The following NHSL2 variants were observed in gnomAD, a reference collection of about 807,000 sequenced individuals.
NHSL2 encodes the protein NHS-like protein 2.
NHSL2 carries 27 observed loss-of-function variants against 53.4 expected under a neutral mutation model. That is an observed-to-expected ratio of 0.51 (90% CI 0.37 to 0.70). The LOEUF is 0.70. Ranked by LOEUF, NHSL2 falls within the 30% of genes least tolerant of loss-of-function variation. The pLI, the probability that NHSL2 is intolerant of heterozygous loss-of-function variation, is 0.00. For missense variants in NHSL2, 892 were observed against 980.1 expected, an observed-to-expected ratio of 0.91 and a Z score of 1.20; for synonymous variants, 408 against 404.1, an observed-to-expected ratio of 1.01 and a Z score of -0.12.
intron 1 of NHSL2, among the ~76,000 whole-genome samples, chrX:72,038,034 G>A (rs932455490): frequency 8.9e-6 from 1 of 111,981 alleles, no homozygotes; most frequent in Non-Finnish European, 1.9e-5. Flanking sequence ...TATTTGTTTC[G>A]GCAGCACAGG....
intron 1 of NHSL2, among the ~76,000 whole-genome samples, chrX:72,115,439 G>GT (rs1264991658): frequency 1.2e-4 from 10 of 85,359 alleles, no homozygotes; most frequent in African/African-American, 4.3e-4. Context: ...GGCGGGGGGG[G>GT]GGTGCGGGGG....
At chrX:71,943,221 G>A (rs1331623412) in intron 1 of NHSL2, among the ~76,000 whole-genome samples, 1 of 111,272 alleles carries the variant, frequency 9.0e-6, no homozygotes, top group Non-Finnish European at 1.9e-5. Context: ...CGAGTAGCTG[G>A]GACTACAGGC....
rs147527237 is a variant in NHSL2 at position 71,973,508 on chromosome X, C to T, written c.280+62141C>T. 4.8e-3 allele frequency among the ~76,000 whole-genome samples: 538 copies of T among 111,825 alleles called. 2 individuals are homozygous for T. The highest frequency in any genetic ancestry group is 0.017 in the African/African-American group (522 of 30,792). On this transcript the variant is annotated intron_variant, in intron 1 of 7. Transcript: ENST00000633930. ...CCTTAGGACAGAACTGTGGAGCTCT[C>T]CATCCTTAAGGCTTGCCTTCAGGGT... is the stretch of plus-strand genomic sequence containing the variant.
At chrX:72,104,202 C>G (rs926393400) in intron 1 of NHSL2, among the ~76,000 whole-genome samples, 1 of 110,385 alleles carries the variant, frequency 9.1e-6, no homozygotes, top group African/African-American at 3.3e-5. Flanking sequence ...AAATTACTGT[C>G]CCATTCACGA....
Position 72,149,020 on chromosome X carries a change from G to A in NHSL2, c.*5446G>A. Reference sequence around the variant, plus strand: ...GCCAAGAGGTGTATATTGTTATCTTGGTCAGGCATATGTTTGCTTGGTTTT... The same window carrying A: ...GCCAAGAGGTGTATATTGTTATCTTAGTCAGGCATATGTTTGCTTGGTTTT... On this transcript the variant is annotated 3_prime_UTR_variant, in exon 8 of 8. Transcript: ENST00000633930. The A allele has an allele frequency of 9.1e-6, 1 of 110,131 alleles. No individual in the cohort carries two copies. The highest frequency in any genetic ancestry group is 1.9e-5 in the Non-Finnish European group (1 of 52,772). 9.1% of individuals were successfully genotyped at this position (110,131 alleles called of 1,213,427 possible).
At chrX:71,992,312 A>G (rs2042031048) in intron 1 of NHSL2, among the ~76,000 whole-genome samples, 2 of 112,109 alleles carry the variant, frequency 1.8e-5, no homozygotes, top group Admixed American at 1.9e-4. Context: ...TTAGGGACAC[A>G]TAATAACATA....
At chrX:72,050,935 G>A (rs2042337045) in intron 1 of NHSL2, among the ~76,000 whole-genome samples, 1 of 109,692 alleles carries the variant, frequency 9.1e-6, no homozygotes, top group Admixed American at 9.7e-5. Context: ...CCAAAACCAC[G>A]TTACAGATGC....
At chrX:71,981,536 C>CAAAAA (rs140961615) in intron 1 of NHSL2, among the ~76,000 whole-genome samples, 5 of 66,604 alleles carry the variant, frequency 7.5e-5, no homozygotes, top group African/African-American at 2.5e-4. Context: ...GACTCTGTCT[C>CAAAAA]AAAAAAAAAA....
At chrX:71,950,784 T>A (rs953591941) in intron 1 of NHSL2, among the ~76,000 whole-genome samples, 4 of 111,485 alleles carry the variant, frequency 3.6e-5, no homozygotes, top group African/African-American at 9.8e-5. Context: ...CAACTAGCCA[T>A]TTCTGTGGGT....
intron 1 of NHSL2, among the ~76,000 whole-genome samples, chrX:72,052,049 CTT>C (rs2042343462): frequency 8.9e-6 from 1 of 112,303 alleles, no homozygotes; most frequent in Non-Finnish European, 1.9e-5. Flanking sequence ...CCTCTTGACT[CTT>C]TTGCTTGGAA....
At chrX:71,942,968 C>CTGTG (rs1432312977) in intron 1 of NHSL2, among the ~76,000 whole-genome samples, 1 of 19,583 alleles carries the variant, frequency 5.1e-5, no homozygotes, top group African/African-American at 1.4e-4. Context: ...CTCTCTCTCT[C>CTGTG]TCTCTGTGTG....
At chrX:72,132,284 A>T (rs1279655353) in intron 2 of NHSL2, 50 bp downstream of exon 2, 2 of 1,067,099 alleles carry the variant, frequency 1.9e-6, no homozygotes, top group Non-Finnish European at 2.5e-6. Flanking sequence ...CGAGATGCGC[A>T]GCGGCAGGAG....
chrX:72,126,014 C>A (rs770989741), intron 1 of NHSL2, among the ~76,000 whole-genome samples: 29 of 111,900 alleles, frequency 2.6e-4, no homozygotes, highest in African/African-American at 7.5e-4. Flanking sequence ...GACCTGGAGT[C>A]CCCCATATGA....
At chrX:72,057,603 C>T (rs2042376683) in intron 1 of NHSL2, among the ~76,000 whole-genome samples, 1 of 111,803 alleles carries the variant, frequency 8.9e-6, no homozygotes, top group African/African-American at 3.3e-5. Context: ...GAACCTTCCT[C>T]GACTTGCTCC....
chrX:71,924,942 A>G (rs1301439568), intron 1 of NHSL2, among the ~76,000 whole-genome samples: 1 of 112,164 alleles, frequency 8.9e-6, no homozygotes, highest in African/African-American at 3.2e-5. Context: ...CCCAAATGTT[A>G]TGTATTATCA....
intron 1 of NHSL2, among the ~76,000 whole-genome samples, chrX:71,989,515 C>T (rs778285530): frequency 2.3e-4 from 26 of 111,427 alleles, no homozygotes; most frequent in African/African-American, 8.2e-4. Context: ...AAACTGTGAC[C>T]AGACCATGCA....
intron 6 of NHSL2, 112 bp downstream of exon 6, chrX:72,140,883 C>T (rs2147529474): frequency 1.6e-6 from 1 of 640,369 alleles, no homozygotes; most frequent in African/African-American, 2.3e-5. Flanking sequence ...GATCCCAAGT[C>T]AGTAGCGGGC....
intron 1 of NHSL2, among the ~76,000 whole-genome samples, chrX:72,094,797 C>A (rs1311751855): frequency 8.9e-6 from 1 of 111,881 alleles, no homozygotes; most frequent in East Asian, 2.8e-4. Flanking sequence ...GCCTGCCTGT[C>A]CATCATGGAG....
intron 1 of NHSL2, among the ~76,000 whole-genome samples, chrX:71,933,321 C>G (rs1205904997): frequency 9.0e-6 from 1 of 110,622 alleles, no homozygotes; most frequent in Non-Finnish European, 1.9e-5. Context: ...AATGCTGAGA[C>G]ATTGAGCCAG....
Sources: allele counts gnomAD v4.1 joint callset (sites outside exome capture counted in the v4.1 genomes callset), GRCh38; gene constraint gnomAD v4.1.1; transcripts MANE v1.5; gene names NCBI Gene and HGNC (gene_info 2026-07-23, HGNC 2026-07-21).